DOCK5: variants seen among roughly 807,000 people sequenced by gnomAD.
DOCK5 encodes the protein dedicator of cytokinesis protein 5.
DOCK5 carries 142 observed loss-of-function variants against 251.8 expected under a neutral mutation model. The observed-to-expected ratio is 0.56, with a 90% CI of 0.49 to 0.65. The LOEUF (loss-of-function observed/expected upper bound fraction) is 0.65. Ranked by LOEUF, DOCK5 falls within the 30% of genes least tolerant of loss-of-function variation. The pLI, the probability that DOCK5 is intolerant of heterozygous loss-of-function variation, is 0.00. For synonymous variants in DOCK5, 842 were observed against 835.5 expected (o/e 1.01, Z -0.13); for missense variants, 2,111 against 2,312.3 (o/e 0.91, Z 1.79).
intron 11 of DOCK5, among the ~76,000 whole-genome samples, chr8:25,308,139 G>T (rs913148374): frequency 2.0e-5 from 3 of 152,142 alleles, no homozygotes; most frequent in Admixed American, 2.0e-4. Flanking sequence ...TCTGCCTTCA[G>T]TAGAATGGAG....
At chr8:25,374,507 T>TA (rs1800929616) in intron 36 of DOCK5, 57 bp from the exon 37 acceptor site, 2 of 1,519,618 alleles carry the variant, frequency 1.3e-6, no homozygotes, top group African/African-American at 1.4e-5. Flanking sequence ...AAAACAGAAC[T>TA]AAAAAACCTA....
chr8:25,238,201 A>G (rs1266925958), intron 1 of DOCK5, among the ~76,000 whole-genome samples: 2 of 152,290 alleles, frequency 1.3e-5, no homozygotes, highest in Non-Finnish European at 2.9e-5. Flanking sequence ...TTTCTGGGCT[A>G]TTCCAGGGCA....
rs556302926 is a variant in DOCK5, at chr8:25,345,176, G to A, written c.2618-299G>A. ...ACCCTCAATTTCGTGCATTAGGTTG[G>A]CGTTTTGAAAAGCTAGAGAAATTGT... On this transcript the variant is annotated intron_variant, in intron 25 of 51. Coordinates refer to ENST00000276440, the MANE Select transcript of DOCK5 (RefSeq NM_024940.8). Among the ~76,000 whole-genome samples the A allele has an allele frequency of 5.3e-5, 8 of 151,940 alleles. No homozygotes were observed. The South Asian group carries it at 1.7e-3, about 32-fold the overall frequency.
At chr8:25,214,199 G>T (rs1241584515) in intron 1 of DOCK5, among the ~76,000 whole-genome samples, 1 of 152,122 alleles carries the variant, frequency 6.6e-6, no homozygotes, top group East Asian at 1.9e-4. Context: ...CTGGATTAGG[G>T]ATGCTCAGCC....
intron 28 of DOCK5, 101 bp downstream of exon 28, chr8:25,359,162 C>G (rs530822603): frequency 2.0e-6 from 2 of 978,034 alleles, no homozygotes; most frequent in East Asian, 2.4e-5. Context: ...TCTCTTCCCA[C>G]GCACCTCCGG....
At chr8:25,342,597 A>G in intron 25 of DOCK5, 90 bp downstream of exon 25, 2 of 957,934 alleles carry the variant, frequency 2.1e-6, no homozygotes, top group Non-Finnish European at 1.5e-6. Context: ...ACAAGACTCC[A>G]TCTCAAAAAG....
At chr8:25,342,611 A>G (rs930750500) in intron 25 of DOCK5, 104 bp downstream of exon 25, 1 of 755,588 alleles carries the variant, frequency 1.3e-6, no homozygotes, top group African/African-American at 1.8e-5. Flanking sequence ...CAAAAAGCTA[A>G]AACAAGCTGC....
rs1800368147 is a variant in DOCK5, at chr8:25,346,434, TA to T, written c.2754+824del. On this transcript the variant is annotated intron_variant, in intron 26 of 51. Coordinates refer to ENST00000276440, the MANE Select transcript of DOCK5 (RefSeq NM_024940.8). The stretch of plus-strand genomic sequence containing the variant: ...AGCTGCTGAGAAGTTCTCATTTCCA[TA>T]TCCTCTTGGACACTGATACTTTCTC... 3.3e-5 allele frequency among the ~76,000 whole-genome samples: 5 copies of T among 152,360 alleles called. No individual in the cohort carries two copies. The South Asian group carries it at 1.0e-3, about 32-fold the overall frequency.
chr8:25,410,020 G>A, intron 50 of DOCK5, 79 bp from the exon 51 acceptor site: 2 of 1,229,246 alleles, frequency 1.6e-6, no homozygotes, highest in Non-Finnish European at 2.3e-6. Context: ...TGGCTTAGGT[G>A]TTACAGTGCC....
chr8:25,376,255 T>A, intron 37 of DOCK5: 1 of 985,422 alleles, frequency 1.0e-6, no homozygotes, highest in Non-Finnish European at 1.2e-6. Context: ...TAAACTCTCC[T>A]ATCCTGGTGT....
chr8:25,191,768 TTA>T (rs10660994), intron 1 of DOCK5, among the ~76,000 whole-genome samples: 2 of 150,416 alleles, frequency 1.3e-5, no homozygotes, highest in South Asian at 2.1e-4. Context: ...TTTTTTAAAA[TTA>T]TATATATATA....
At chr8:25,227,125 A>G (rs1483886283) in intron 1 of DOCK5, among the ~76,000 whole-genome samples, 2 of 152,332 alleles carry the variant, frequency 1.3e-5, no homozygotes, top group African/African-American at 2.4e-5. Flanking sequence ...CCGAATTTCA[A>G]AAAGTGTTGC....
intron 11 of DOCK5, 64 bp from the exon 12 acceptor site, chr8:25,308,719 A>G: frequency 6.4e-7 from 1 of 1,570,830 alleles, no homozygotes; most frequent in South Asian, 1.1e-5. Context: ...CCATTATCTG[A>G]GGTTGTGCTG....
intron 35 of DOCK5, among the ~76,000 whole-genome samples, chr8:25,373,125 A>AAGT (rs1393109584): frequency 6.6e-6 from 1 of 151,182 alleles, no homozygotes; most frequent in African/African-American, 2.4e-5. Flanking sequence ...TCAGCCTCCC[A>AAGT]AGTAGCTGGG....
At chr8:25,383,906 A>T (rs1801113522) in intron 40 of DOCK5, among the ~76,000 whole-genome samples, 1 of 152,248 alleles carries the variant, frequency 6.6e-6, no homozygotes, top group South Asian at 2.1e-4. Flanking sequence ...CTGTGCTATA[A>T]GAATCTGTAA....
intron 1 of DOCK5, among the ~76,000 whole-genome samples, chr8:25,220,756 C>T (rs768275076): frequency 2.6e-5 from 4 of 152,160 alleles, no homozygotes; most frequent in Non-Finnish European, 2.9e-5. Context: ...AGATATCTGC[C>T]ATCATGCCTG....
At chr8:25,239,647 C>T (rs1303907743) in intron 1 of DOCK5, among the ~76,000 whole-genome samples, 1 of 152,128 alleles carries the variant, frequency 6.6e-6, no homozygotes, top group East Asian at 1.9e-4. Context: ...TTTGCGTAAA[C>T]CAGCAGACGA....
chr8:25,351,564 A>T, intron 26 of DOCK5, 167 bp from the exon 27 acceptor site: 2 of 573,614 alleles, frequency 3.5e-6, no homozygotes, highest in Non-Finnish European at 6.2e-6. Flanking sequence ...TTTTCTTCAT[A>T]AAGTTATATA....
At chr8:25,228,713 A>G (rs1802591594) in intron 1 of DOCK5, among the ~76,000 whole-genome samples, 1 of 98,414 alleles carries the variant, frequency 1.0e-5, no homozygotes, top group Non-Finnish European at 2.0e-5. Context: ...TTCATTTTCA[A>G]GCTATTTTAA....
Sources: allele counts gnomAD v4.1 joint callset (sites outside exome capture counted in the v4.1 genomes callset), GRCh38; gene constraint gnomAD v4.1.1; transcripts MANE v1.5; gene names NCBI Gene and HGNC (gene_info 2026-07-23, HGNC 2026-07-21).